The following VGLL1 variants were observed in gnomAD, a reference collection of about 807,000 sequenced individuals.
VGLL1 encodes the protein transcription cofactor vestigial-like protein 1.
A neutral mutation model predicts 12.0 loss-of-function variants in VGLL1; 4 were observed. The ratio of observed to expected loss-of-function variants is 0.33; its 90% CI spans 0.16 to 0.76. The LOEUF is 0.76. VGLL1 is among the 30% of genes least tolerant of loss of function. The probability of loss-of-function intolerance (pLI) is 0.60; values close to 1 mark genes in which losing one functional copy is unlikely to be tolerated. For missense variants in VGLL1, 204 were observed against 208.7 expected, an observed-to-expected ratio of 0.98 and a Z score of 0.14; for synonymous variants, 87 against 81.2, an observed-to-expected ratio of 1.07 and a Z score of -0.39.
rs780571436 is a variant in VGLL1, at chrX:136,548,582, T to C, written c.215-7T>C. 6.8e-5 allele frequency: 82 copies of C among 1,203,290 alleles called. No individual in the cohort carries two copies. In the African/African-American group the frequency reaches 1.4e-3, roughly 20 times the overall value. ...CCTAACATGTCTTCTAAATCTTTCC[T>C]TCTCAGATGATAGCATGTCTCCAAA... On this transcript the variant is annotated splice_polypyrimidine_tract_variant and splice_region_variant and intron_variant, in intron 2 of 4. Coordinates refer to ENST00000370634, the MANE Select transcript of VGLL1 (RefSeq NM_016267.4).
chrX:136,539,356 C>T (rs2075849589), intron 2 of VGLL1, among the ~76,000 whole-genome samples: 1 of 111,554 alleles, frequency 9.0e-6, no homozygotes. Flanking sequence ...TCTCTAAACT[C>T]CATTCCACTC....
At chrX:136,551,167 G>A (rs768108089) in intron 4 of VGLL1, among the ~76,000 whole-genome samples, 4 of 110,163 alleles carry the variant, frequency 3.6e-5, no homozygotes, top group Non-Finnish European at 7.6e-5. Context: ...AAATTCATGA[G>A]GATGAGGATT....
At position 136,532,601 on chromosome X, in the gene VGLL1, CTTTCTTTCTTT is replaced by C. The variant is rs1569359166; in HGVS notation, c.-26+306_-26+316del. On this transcript the variant is annotated intron_variant, in intron 1 of 4. Transcript: ENST00000370634. ...TCTTTCTTTCTTTCTTTCTTTCTTT[CTTTCTTTCTTT>C]CTTTCTTTCTTTCTTTCTTTCTTTC... Among the ~76,000 whole-genome samples the C allele has an allele frequency of 7.5e-5, 6 of 80,460 alleles. No homozygotes were observed. The East Asian group carries it at 2.3e-3, about 30-fold the overall frequency. 69.9% of individuals were successfully genotyped at this position (80,460 alleles called of 115,157 possible). A position where few individuals can be genotyped will look rare whatever the true frequency, so the allele number is the denominator to read the frequency against.
At chrX:136,537,821 C>T (rs939620737) in intron 2 of VGLL1, among the ~76,000 whole-genome samples, 2 of 110,331 alleles carry the variant, frequency 1.8e-5, no homozygotes, top group African/African-American at 6.6e-5. Flanking sequence ...CCACTTCAGC[C>T]TTCCAAAGTG....
Position 136,532,599 on chromosome X carries a change from TTCTTTC to T in VGLL1, c.-26+305_-26+310del, listed in dbSNP as rs1394997551. On this transcript the variant is annotated intron_variant, in intron 1 of 4. Coordinates refer to ENST00000370634, the MANE Select transcript of VGLL1 (RefSeq NM_016267.4). ...TTTCTTTCTTTCTTTCTTTCTTTCT[TTCTTTC>T]TTTCTTTCTTTCTTTCTTTCTTTCT... Among the ~76,000 whole-genome samples, 207 of 81,024 alleles carry T rather than the reference TTCTTTC, an allele frequency of 2.6e-3. 1 individual carries two copies. The highest frequency in any genetic ancestry group is 8.4e-3 in the African/African-American group (183 of 21,749). 70.4% of individuals were successfully genotyped at this position (81,024 alleles called of 115,157 possible).
chrX:136,541,791 GAAATGCCGTC>G (rs1354744051), intron 2 of VGLL1, among the ~76,000 whole-genome samples: 1 of 112,357 alleles, frequency 8.9e-6, no homozygotes, highest in Non-Finnish European at 1.9e-5. Flanking sequence ...GTGTGGCTAG[GAAATGCCGTC>G]AAATTTCCTG....
chrX:136,545,382 T>C (rs764922815), intron 2 of VGLL1, among the ~76,000 whole-genome samples: 1 of 111,868 alleles, frequency 8.9e-6, no homozygotes, highest in East Asian at 2.8e-4. Flanking sequence ...GTGCACTCAT[T>C]AGAATAATAC....
At chrX:136,536,731 T>C (rs150422310) in intron 2 of VGLL1, among the ~76,000 whole-genome samples, 1 of 112,355 alleles carries the variant, frequency 8.9e-6, no homozygotes, top group African/African-American at 3.2e-5. Flanking sequence ...TACTCCTCCA[T>C]TAAATGAAAG....
chrX:136,536,246 G>A lies in VGLL1; in HGVS notation c.214+12G>A, dbSNP rs1239378180. 8.3e-7 allele frequency: 1 copy of A among 1,200,638 alleles called. No individual in the cohort carries two copies. Among genetic ancestry groups the A allele is most frequent in the Non-Finnish European group, 1.1e-6 (1 of 886,931 alleles). ...GATGCTGAAAAACGGTGAGCATGTG[G>A]GGAGGGAGGGAGCTGGGATTCCCTA... On this transcript the variant is annotated intron_variant, in intron 2 of 4. Transcript: ENST00000370634.
At chrX:136,535,751 T>C (rs1214894199) in intron 1 of VGLL1, among the ~76,000 whole-genome samples, 2 of 111,782 alleles carry the variant, frequency 1.8e-5, no homozygotes, top group African/African-American at 3.3e-5. Flanking sequence ...CATTCTCATT[T>C]GTAAGAGAAG....
intron 2 of VGLL1, among the ~76,000 whole-genome samples, chrX:136,545,824 C>T (rs889014593): frequency 8.1e-5 from 9 of 110,650 alleles, no homozygotes; most frequent in Non-Finnish European, 5.7e-5. Context: ...AAATGTGTGG[C>T]GCCTCTGGGT....
At chrX:136,543,198 G>C (rs1043807735) in intron 2 of VGLL1, among the ~76,000 whole-genome samples, 1 of 112,049 alleles carries the variant, frequency 8.9e-6, no homozygotes, top group African/African-American at 3.3e-5. Flanking sequence ...AGGTACCCCA[G>C]GGAGGCAGCT....
intron 2 of VGLL1, among the ~76,000 whole-genome samples, chrX:136,545,165 G>A (rs1224702935): frequency 1.8e-5 from 2 of 112,070 alleles, no homozygotes; most frequent in African/African-American, 6.5e-5. Context: ...GTGTCACATA[G>A]CTAGGAAGTG....
At chrX:136,553,166 C>T (rs12838490) in intron 4 of VGLL1, among the ~76,000 whole-genome samples, 1 of 110,307 alleles carries the variant, frequency 9.1e-6, no homozygotes, top group Non-Finnish European at 1.9e-5. Flanking sequence ...AGCCCATGCT[C>T]TTAAGCATGA....
intron 2 of VGLL1, among the ~76,000 whole-genome samples, chrX:136,547,161 C>T (rs967352145): frequency 2.7e-5 from 3 of 112,291 alleles, no homozygotes; most frequent in Non-Finnish European, 5.6e-5. Context: ...CCTCTCCAGC[C>T]GGCTAATCTT....
chrX:136,540,141 A>C (rs756049560), intron 2 of VGLL1, among the ~76,000 whole-genome samples: 1 of 111,516 alleles, frequency 9.0e-6, no homozygotes, highest in Non-Finnish European at 1.9e-5. Flanking sequence ...CCTTCAGTCT[A>C]TTCTTAGGAG....
chrX:136,534,478 AGTTT>A (rs767883613), intron 1 of VGLL1, among the ~76,000 whole-genome samples: 8 of 109,799 alleles, frequency 7.3e-5, no homozygotes, highest in Non-Finnish European at 1.3e-4. Context: ...GTAGATTGGT[AGTTT>A]GTTTGTTTGT....
intron 3 of VGLL1, among the ~76,000 whole-genome samples, chrX:136,549,633 A>G (rs1298518501): frequency 9.1e-6 from 1 of 109,688 alleles, no homozygotes; most frequent in Non-Finnish European, 1.9e-5. Flanking sequence ...CCCCTGAACT[A>G]AAAACACCCT....
At chrX:136,549,080 A>G (rs2075878389) in intron 3 of VGLL1, 72 bp downstream of exon 3, 1 of 1,074,261 alleles carries the variant, frequency 9.3e-7, no homozygotes, top group Non-Finnish European at 1.2e-6. Flanking sequence ...TTGGCATGAG[A>G]TGAGGTGCCA....
Sources: gnomAD v4.1 joint callset for allele counts (sites outside exome capture counted in the v4.1 genomes callset) on GRCh38, gnomAD v4.1.1 for gene constraint, MANE v1.5 for transcripts, NCBI Gene and HGNC (gene_info 2026-07-23, HGNC 2026-07-21) for gene names.